PCSK5: variants seen among roughly 807,000 people sequenced by gnomAD.
PCSK5 encodes prohormone convertase 5.
A neutral mutation model predicts 233.2 loss-of-function variants in PCSK5; 129 were observed. That is an observed-to-expected ratio of 0.55 (90% CI 0.48 to 0.64). The LOEUF (loss-of-function observed/expected upper bound fraction) is 0.64, where lower values mean the gene tolerates loss of function less well. Ranked by LOEUF, PCSK5 falls within the 30% of genes least tolerant of loss-of-function variation. The pLI is 0.00. For missense variants in PCSK5, 2,076 were observed against 2,430.1 expected (o/e 0.85, Z 3.06); for synonymous variants, 825 against 879.2 (o/e 0.94, Z 1.09).
chr9:75,985,769 A>G (rs1826485671), intron 2 of PCSK5, among the ~76,000 whole-genome samples: 1 of 152,226 alleles, frequency 6.6e-6, no homozygotes, highest in Admixed American at 6.5e-5. Context: ...ACCTTTATAG[A>G]AAAAGTTGGC....
At chr9:76,192,563 C>T (rs1283449087) in intron 20 of PCSK5, among the ~76,000 whole-genome samples, 2 of 152,094 alleles carry the variant, frequency 1.3e-5, no homozygotes, top group African/African-American at 2.4e-5. Context: ...GATGCAGAGA[C>T]ATCTGTTCAA....
At chr9:76,144,996 G>A (rs997837536) in intron 10 of PCSK5, among the ~76,000 whole-genome samples, 4 of 152,070 alleles carry the variant, frequency 2.6e-5, no homozygotes, top group Admixed American at 2.6e-4. Context: ...GTGGTGGTGG[G>A]TGCCTGTAAT....
chr9:76,026,729 G>T (rs1466359241), intron 4 of PCSK5, among the ~76,000 whole-genome samples: 2 of 152,122 alleles, frequency 1.3e-5, no homozygotes, highest in Admixed American at 6.6e-5. Context: ...CACTTGTTTG[G>T]TCTGTGTAGA....
chr9:76,134,064 CTT>C (rs376221586), intron 9 of PCSK5, 43 bp from the exon 10 acceptor site: 1,864 of 1,009,774 alleles, frequency 1.8e-3, no homozygotes, highest in Admixed American at 2.2e-3. Context: ...CTTCCCCCAT[CTT>C]TTTTTTTTTT....
chr9:75,947,955 C>G (rs549868845), intron 2 of PCSK5, among the ~76,000 whole-genome samples: 7 of 152,148 alleles, frequency 4.6e-5, no homozygotes, highest in African/African-American at 1.7e-4. Flanking sequence ...GATCTTCCCA[C>G]CTCAGCCTCT....
chr9:76,024,472 C>T (rs559097757), intron 4 of PCSK5, among the ~76,000 whole-genome samples: 1 of 152,302 alleles, frequency 6.6e-6, no homozygotes, highest in African/African-American at 2.4e-5. Flanking sequence ...AGGTTAGTCT[C>T]CTCCTTTGAT....
chr9:75,953,803 A>G (rs1824974367), intron 2 of PCSK5, among the ~76,000 whole-genome samples: 1 of 151,774 alleles, frequency 6.6e-6, no homozygotes, highest in Non-Finnish European at 1.5e-5. Context: ...AGTCAGAGTA[A>G]TTAGACCTTA....
At chr9:75,997,052 C>T (rs940427051) in intron 3 of PCSK5, among the ~76,000 whole-genome samples, 3 of 152,144 alleles carry the variant, frequency 2.0e-5, no homozygotes, top group African/African-American at 7.2e-5. Context: ...TTCTGGCTTA[C>T]TGTAACCTAT....
Position 75,990,218 on chromosome 9 carries a change from C to T in PCSK5, c.411+3973C>T, listed in dbSNP as rs116927642. ...GAGCTGCTGCAGTGTTTCTGACCTCCGTAGGGTCCTGCCTCCAGCTCGTTA... is the reference window on the plus strand; with the variant it reads ...GAGCTGCTGCAGTGTTTCTGACCTCTGTAGGGTCCTGCCTCCAGCTCGTTA... On this transcript the variant is annotated intron_variant, in intron 3 of 37. Transcript: ENST00000674117. Among the ~76,000 whole-genome samples the T allele has an allele frequency of 3.7e-3, 560 of 152,248 alleles. 14 individuals carry two copies. The highest frequency in any genetic ancestry group is 0.025 in the Admixed American group (384 of 15,306).
chr9:76,084,175 A>G (rs1013265152), intron 7 of PCSK5, among the ~76,000 whole-genome samples: 2 of 152,240 alleles, frequency 1.3e-5, no homozygotes, highest in African/African-American at 2.4e-5. Flanking sequence ...TGTACCCAAT[A>G]TAATATCATC....
intron 8 of PCSK5, among the ~76,000 whole-genome samples, chr9:76,100,375 CCTT>C (rs1164130738): frequency 2.0e-5 from 3 of 152,128 alleles, no homozygotes; most frequent in African/African-American, 7.2e-5. Context: ...CATTTTTTGT[CCTT>C]CTCATTTGTG....
At chr9:76,263,085 C>A (rs1827229682) in intron 24 of PCSK5, among the ~76,000 whole-genome samples, 1 of 151,978 alleles carries the variant, frequency 6.6e-6, no homozygotes, top group African/African-American at 2.4e-5. Context: ...GAGATATCAT[C>A]TCACACCAGT....
chr9:76,019,919 C>A (rs1417876179), intron 3 of PCSK5, among the ~76,000 whole-genome samples: 2 of 152,188 alleles, frequency 1.3e-5, no homozygotes, highest in East Asian at 3.9e-4. Flanking sequence ...ACCTAATAGA[C>A]CATCACTGAA....
intron 1 of PCSK5, among the ~76,000 whole-genome samples, chr9:75,899,916 G>A (rs918526710): frequency 7.9e-5 from 12 of 152,202 alleles, no homozygotes; most frequent in African/African-American, 2.9e-4. Context: ...GCCTCCTTTA[G>A]ATGGTGTGCA....
chr9:76,001,465 T>C (rs1827257125), intron 3 of PCSK5, among the ~76,000 whole-genome samples: 1 of 120,186 alleles, frequency 8.3e-6, no homozygotes, highest in Non-Finnish European at 1.8e-5. Flanking sequence ...TCTACCATCA[T>C]AGCTTTTTTT....
chr9:76,002,944 C>A (rs532693592), intron 3 of PCSK5, among the ~76,000 whole-genome samples: 1 of 152,318 alleles, frequency 6.6e-6, no homozygotes. Context: ...AGAGCCTTTG[C>A]CTTGGTATGC....
chr9:76,008,998 T>G (rs1390210494), intron 3 of PCSK5, among the ~76,000 whole-genome samples: 1 of 152,184 alleles, frequency 6.6e-6, no homozygotes, highest in African/African-American at 2.4e-5. Flanking sequence ...TAAAAAAGTG[T>G]TTCTTGTTTA....
chr9:76,021,154 G>T (rs754941576), intron 3 of PCSK5, among the ~76,000 whole-genome samples: 2 of 152,090 alleles, frequency 1.3e-5, no homozygotes, highest in African/African-American at 2.4e-5. Flanking sequence ...CCCATTTTTG[G>T]GATATAATTA....
At chr9:76,273,049 C>T (rs568557131) in intron 24 of PCSK5, among the ~76,000 whole-genome samples, 1 of 152,172 alleles carries the variant, frequency 6.6e-6, no homozygotes, top group Non-Finnish European at 1.5e-5. Context: ...TCTACAGTTC[C>T]CTCAAGGGGA....
Sources: gnomAD v4.1 joint callset for allele counts (sites outside exome capture counted in the v4.1 genomes callset) on GRCh38, gnomAD v4.1.1 for gene constraint, MANE v1.5 for transcripts, NCBI Gene and HGNC (gene_info 2026-07-23, HGNC 2026-07-21) for gene names.